The following ABCE1 variants were observed in gnomAD, a reference collection of about 807,000 sequenced individuals.
The protein encoded by ABCE1 is ATP-binding cassette sub-family E member 1.
Under a neutral mutation model 83.4 loss-of-function variants are expected in ABCE1, and 22 were observed. The observed-to-expected ratio is 0.26, with a 90% CI of 0.19 to 0.38. The LOEUF (loss-of-function observed/expected upper bound fraction) is 0.38, where lower values mean the gene tolerates loss of function less well. Among genes scored for constraint, ABCE1 ranks in the 10% least tolerant of loss-of-function variants. The pLI is 1.00. For synonymous variants in ABCE1, 204 were observed against 233.7 expected, an observed-to-expected ratio of 0.87 and a Z score of 1.16; for missense variants, 330 against 721.9, an observed-to-expected ratio of 0.46 and a Z score of 6.22.
Position 145,109,219 on chromosome 4 carries a change from A to G in ABCE1, c.375A>G (p.Gly125=). ...CAACTGCTTTAAAAATTTTAGCAGGAAAACAAAAGCCAAACCTTGGAAAGT... is the reference window on the plus strand; with the variant it reads ...CAACTGCTTTAAAAATTTTAGCAGGGAAACAAAAGCCAAACCTTGGAAAGT... ...GKSTALKILA[G]KQKPNLGKYD... The change falls in exon 5 of 18, where the codon GGA becomes GGG. Residue 125 remains glycine (G), a synonymous_variant. Transcript: ENST00000296577. The G allele has an allele frequency of 6.2e-7, 1 of 1,611,928 alleles. No homozygotes were observed. The highest frequency in any genetic ancestry group is 2.2e-5 in the East Asian group (1 of 44,746).
chr4:145,117,252 G>T (rs150945648), intron 9 of ABCE1, 41 bp from the exon 10 acceptor site: 34 of 1,535,450 alleles, frequency 2.2e-5, no homozygotes, highest in Non-Finnish European at 3.0e-5. Context: ...ATTAAAAATA[G>T]TTATGTAAGA....
At chr4:145,104,152 T>A (rs1190617930) in intron 1 of ABCE1, among the ~76,000 whole-genome samples, 6 of 152,148 alleles carry the variant, frequency 3.9e-5, no homozygotes, top group Non-Finnish European at 8.8e-5. Context: ...ATGACATTTT[T>A]TTCTTTCCTT....
intron 2 of ABCE1, among the ~76,000 whole-genome samples, chr4:145,105,374 T>C (rs531142672): frequency 1.0e-3 from 155 of 152,230 alleles, no homozygotes; most frequent in African/African-American, 3.4e-3. Flanking sequence ...AAATATATAT[T>C]AATTAATCAT....
intron 17 of ABCE1, among the ~76,000 whole-genome samples, chr4:145,126,493 C>T (rs1398343278): frequency 6.6e-6 from 1 of 152,118 alleles, no homozygotes; most frequent in Non-Finnish European, 1.5e-5. Context: ...GATGGGGTTT[C>T]ACCATCTTGC....
At chr4:145,119,836 A>G (rs1216616548) in intron 10 of ABCE1, 96 bp from the exon 11 acceptor site, 9 of 826,590 alleles carry the variant, frequency 1.1e-5, no homozygotes, top group Non-Finnish European at 1.7e-5. Context: ...AAAAATCCAC[A>G]GAAATTTAAA....
intron 4 of ABCE1, 27 bp downstream of exon 4, chr4:145,108,139 TCTGTC>T: frequency 6.3e-7 from 1 of 1,589,448 alleles, no homozygotes. Flanking sequence ...GGATTCCTCT[TCTGTC>T]AAGTTAAGAG....
intron 1 of ABCE1, among the ~76,000 whole-genome samples, chr4:145,103,422 C>T (rs1749208983): frequency 6.6e-6 from 1 of 152,120 alleles, no homozygotes; most frequent in South Asian, 2.1e-4. Context: ...AAATTAATTT[C>T]TGAACCACTA....
intron 4 of ABCE1, among the ~76,000 whole-genome samples, chr4:145,108,806 T>C (rs1199992799): frequency 2.0e-5 from 3 of 152,224 alleles, no homozygotes; most frequent in Non-Finnish European, 4.4e-5. Flanking sequence ...CATTTTGTTA[T>C]ACATTAAAAC....
intron 3 of ABCE1, among the ~76,000 whole-genome samples, chr4:145,106,471 A>G (rs1454503006): frequency 6.6e-6 from 1 of 152,040 alleles, no homozygotes; most frequent in African/African-American, 2.4e-5. Flanking sequence ...CTTACTAGAT[A>G]CCTGCCTTTA....
At chr4:145,102,519 G>A (rs1749179587) in intron 1 of ABCE1, among the ~76,000 whole-genome samples, 1 of 152,152 alleles carries the variant, frequency 6.6e-6, no homozygotes, top group African/African-American at 2.4e-5. Context: ...TTGCTGGTTG[G>A]CATAAGGGTC....
intron 1 of ABCE1, among the ~76,000 whole-genome samples, chr4:145,100,082 G>C (rs1306363797): frequency 6.6e-6 from 1 of 152,158 alleles, no homozygotes. Flanking sequence ...TGTTCACACA[G>C]TTAATTAACA....
chr4:145,127,310 T>C lies in ABCE1; in HGVS notation c.1753-216T>C, dbSNP rs892227909. Among the ~76,000 whole-genome samples the C allele has an allele frequency of 1.2e-4, 19 of 152,204 alleles. 1 individual carries two copies. The highest frequency in any genetic ancestry group is 1.0e-3 in the Admixed American group (16 of 15,284). On this transcript the variant is annotated intron_variant, in intron 17 of 17. Transcript: ENST00000296577. The stretch of plus-strand genomic sequence containing the variant: ...TATAAAGGGACTTTACTTGAGTTGG[T>C]GCAAGTGAGTCATTCTAGCATTAGG...
At chr4:145,105,517 A>C in intron 2 of ABCE1, 88 bp from the exon 3 acceptor site, 1 of 868,410 alleles carries the variant, frequency 1.2e-6, no homozygotes, top group Non-Finnish European at 1.8e-6. Flanking sequence ...TCTGTATGGA[A>C]ATTTAGAACC....
intron 8 of ABCE1, 124 bp downstream of exon 8, chr4:145,111,188 G>A (rs749370217): frequency 2.7e-4 from 160 of 595,818 alleles, no homozygotes; most frequent in Non-Finnish European, 3.9e-4. Context: ...TCCTAATTTC[G>A]AGGTAAGATG....
At chr4:145,121,092 A>C (rs1450109814) in intron 11 of ABCE1, 82 bp from the exon 12 acceptor site, 1 of 1,379,844 alleles carries the variant, frequency 7.2e-7, no homozygotes, top group Non-Finnish European at 1.0e-6. Flanking sequence ...CAAATTTCTC[A>C]GTTAAAACCA....
intron 3 of ABCE1, among the ~76,000 whole-genome samples, chr4:145,106,169 T>G (rs1198559224): frequency 6.6e-6 from 1 of 152,004 alleles, no homozygotes; most frequent in African/African-American, 2.4e-5. Context: ...ATAGTTTGAT[T>G]AGGCTTTTGA....
intron 10 of ABCE1, among the ~76,000 whole-genome samples, chr4:145,119,129 C>G (rs983668839): frequency 1.3e-5 from 2 of 151,778 alleles, no homozygotes; most frequent in African/African-American, 4.8e-5. Context: ...TATTGAACAC[C>G]TGTGTTCTAG....
intron 12 of ABCE1, 31 bp from the exon 13 acceptor site, chr4:145,121,302 T>G: frequency 6.2e-7 from 1 of 1,612,728 alleles, no homozygotes; most frequent in Admixed American, 1.7e-5. Context: ...TGGGCAGTTT[T>G]TAGTGTCTTA....
At chr4:145,104,716 A>C (rs567915694) in intron 2 of ABCE1, among the ~76,000 whole-genome samples, 1 of 152,152 alleles carries the variant, frequency 6.6e-6, no homozygotes, top group East Asian at 1.9e-4. Context: ...AGAAAGACCA[A>C]ATTTTAGAAT....
Sources: allele counts gnomAD v4.1 joint callset (sites outside exome capture counted in the v4.1 genomes callset), GRCh38; gene constraint gnomAD v4.1.1; transcripts MANE v1.5; gene names NCBI Gene and HGNC (gene_info 2026-07-23, HGNC 2026-07-21).